Variants in E2F5 observed in about 807,000 individuals in gnomAD.
E2F5 encodes the protein transcription factor E2F5.
Under a neutral mutation model 39.1 loss-of-function variants are expected in E2F5, and 23 were observed. The ratio of observed to expected loss-of-function variants is 0.59; its 90% CI spans 0.42 to 0.83. The LOEUF is 0.83. E2F5 is among the 40% of genes least tolerant of loss of function. E2F5 has a pLI of 0.00. For missense variants in E2F5, 365 were observed against 406.7 expected (o/e 0.90, Z 0.88); for synonymous variants, 145 against 157.8 (o/e 0.92, Z 0.61).
intron 1 of E2F5, among the ~76,000 whole-genome samples, chr8:85,181,044 A>C (rs183594890): frequency 7.8e-4 from 118 of 151,232 alleles, no homozygotes; most frequent in African/African-American, 2.7e-3. Context: ...TGCCTGGCTT[A>C]TTTTTATATT....
At chr8:85,205,205 C>A (rs1812776145) in intron 3 of E2F5, among the ~76,000 whole-genome samples, 1 of 151,638 alleles carries the variant, frequency 6.6e-6, no homozygotes, top group African/African-American at 2.4e-5. Context: ...ACAAAATTAT[C>A]CAGACTAGCT....
At chr8:85,201,220 G>A (rs62527176) in intron 1 of E2F5, among the ~76,000 whole-genome samples, 7 of 152,178 alleles carry the variant, frequency 4.6e-5, no homozygotes, top group Non-Finnish European at 1.0e-4. Flanking sequence ...GCAATTATGC[G>A]AAGCTGGGAG....
chr8:85,190,810 T>C (rs1587487085), intron 1 of E2F5, among the ~76,000 whole-genome samples: 1 of 152,028 alleles, frequency 6.6e-6, no homozygotes, highest in African/African-American at 2.4e-5. Flanking sequence ...AGCCAAGATG[T>C]GGAGATTTTT....
intron 1 of E2F5, among the ~76,000 whole-genome samples, chr8:85,190,152 CTT>C (rs1017227163): frequency 1.3e-5 from 2 of 152,194 alleles, no homozygotes; most frequent in African/African-American, 2.4e-5. Flanking sequence ...CACTGACTGT[CTT>C]TCAGCACTCT....
chr8:85,207,143 G>A (rs543346299), intron 4 of E2F5, among the ~76,000 whole-genome samples: 2 of 152,306 alleles, frequency 1.3e-5, no homozygotes, highest in East Asian at 3.9e-4. Context: ...AGACTTTACA[G>A]GAGTCTTAGT....
intron 1 of E2F5, among the ~76,000 whole-genome samples, chr8:85,192,465 C>T (rs1416881825): frequency 6.6e-6 from 1 of 152,032 alleles, no homozygotes; most frequent in Non-Finnish European, 1.5e-5. Context: ...CTCTGAAACA[C>T]TAGTAGTTCA....
At chr8:85,201,126 A>T (rs749384407) in intron 1 of E2F5, among the ~76,000 whole-genome samples, 19 of 152,206 alleles carry the variant, frequency 1.2e-4, no homozygotes, top group Non-Finnish European at 2.8e-4. Flanking sequence ...TCTGGGGGGA[A>T]GGCAGGTCCA....
At chr8:85,194,826 C>T (rs1812547194) in intron 1 of E2F5, among the ~76,000 whole-genome samples, 1 of 150,890 alleles carries the variant, frequency 6.6e-6, no homozygotes, top group Non-Finnish European at 1.5e-5. Flanking sequence ...AGCCACCATG[C>T]CTGGCCCTGT....
At chr8:85,194,403 A>ATT (rs1458157813) in intron 1 of E2F5, among the ~76,000 whole-genome samples, 1 of 151,778 alleles carries the variant, frequency 6.6e-6, no homozygotes, top group East Asian at 1.9e-4. Flanking sequence ...TGTCTAGTAC[A>ATT]TTTTTCTTGA....
chr8:85,209,319 T>C lies in E2F5; in HGVS notation c.793T>C (p.Ser265Pro). Reference sequence around the variant, plus strand: ...CTTGACTCCAGTGACTCCACAGAAATCCAGCATGGCAACTCAAAATCTGCC... The same window carrying C: ...CTTGACTCCAGTGACTCCACAGAAACCCAGCATGGCAACTCAAAATCTGCC... ...QSLTPVTPQK[S>P]SMATQNLPEQ... The change falls in exon 6 of 8, where the codon TCC (serine) becomes CCC (proline). Residue 265 changes from serine to proline, a missense_variant. Ser to Pro is a moderately conservative substitution (Grantham distance 74). Transcript: ENST00000416274. 1 of 1,613,918 alleles carries C rather than the reference T, an allele frequency of 6.2e-7. No homozygotes were observed. The highest frequency in any genetic ancestry group is 2.2e-5 in the East Asian group (1 of 44,882).
chr8:85,214,498 AAAATT>A lies in E2F5; in HGVS notation c.*637_*641del. On this transcript the variant is annotated 3_prime_UTR_variant, in exon 8 of 8. Coordinates refer to ENST00000416274, the MANE Select transcript of E2F5 (RefSeq NM_001951.4). The stretch of plus-strand genomic sequence containing the variant: ...GTACATTAACAAGATTTTTAAAAAT[AAAATT>A]GTATAAAACATTCAATTTATTGGTC... 1 of 1,142,534 alleles carries A rather than the reference AAAATT, an allele frequency of 8.8e-7. No homozygotes were observed. The highest frequency in any genetic ancestry group is 1.6e-5 in the African/African-American group (1 of 64,374). 70.8% of individuals were successfully genotyped at this position (1,142,534 alleles called of 1,614,324 possible).
At chr8:85,192,176 A>G (rs1266830865) in intron 1 of E2F5, among the ~76,000 whole-genome samples, 1 of 152,152 alleles carries the variant, frequency 6.6e-6, no homozygotes, top group African/African-American at 2.4e-5. Flanking sequence ...ATTATCAATG[A>G]CTGCCATATT....
At chr8:85,212,472 G>T in intron 7 of E2F5, 1 of 354,012 alleles carries the variant, frequency 2.8e-6, no homozygotes, top group South Asian at 3.7e-5. Context: ...CACTCCTGAA[G>T]GATCTGGTCC....
rs775380007 is a variant in E2F5 at position 85,177,574 on chromosome 8, G to T, written c.154G>T (p.Glu52Ter). The T allele has an allele frequency of 6.2e-6, 8 of 1,283,390 alleles. No individual in the cohort carries two copies. 79.5% of individuals were successfully genotyped at this position (1,283,390 alleles called of 1,614,324 possible). A position where few individuals can be genotyped will look rare whatever the true frequency, so the allele number is the denominator to read the frequency against. Residue 52 changes from glutamate to a stop codon, truncating the protein, a stop_gained, in exon 1 of 8, where the codon GAG becomes TAG. Coordinates refer to ENST00000416274, the MANE Select transcript of E2F5 (RefSeq NM_001951.4). LOFTEE classifies it high-confidence loss of function. ...CGCCGGGGGCGGCAGCAGCAGGCAC[G>T]AGAAGAGCCTGGGGCTGCTCACTAC... ...GGAGGGSSRHEKSLGLLTTKF... is the reference protein window; with the variant it reads ...GGAGGGSSRH
chr8:85,203,925 C>G (rs778902464), intron 3 of E2F5, among the ~76,000 whole-genome samples: 8 of 150,964 alleles, frequency 5.3e-5, no homozygotes, highest in Non-Finnish European at 1.2e-4. Flanking sequence ...ACCGTCTTCT[C>G]TCAGGTATCT....
intron 1 of E2F5, among the ~76,000 whole-genome samples, chr8:85,182,408 C>T (rs1444774678): frequency 6.6e-6 from 1 of 152,142 alleles, no homozygotes; most frequent in Admixed American, 6.5e-5. Context: ...AAAGTGAGAG[C>T]TAAGATTTGA....
Position 85,177,536 on chromosome 8 carries a change from C to G in E2F5, c.116C>G (p.Pro39Arg), listed in dbSNP as rs569951666. 137 of 1,195,248 alleles carry G rather than the reference C, an allele frequency of 1.1e-4. No individual in the cohort carries two copies. Among genetic ancestry groups the G allele is most frequent in the Non-Finnish European group, 1.4e-4 (136 of 964,070 alleles). 74.0% of individuals were successfully genotyped at this position (1,195,248 alleles called of 1,614,324 possible). Reference protein sequence around the residue: ...QAQAPQPPPPPQLGGAGGGSS... With the variant: ...QAQAPQPPPPRQLGGAGGGSS... ...CAAGCCCCGCAGCCGCCCCCGCCGC[C>G]GCAGCTCGGGGGCGCCGGGGGCGGC... The change falls in exon 1 of 8, where the codon CCG (proline) becomes CGG (arginine). Residue 39 changes from proline to arginine, a missense_variant. Transcript: ENST00000416274.
rs202138485 is a variant in E2F5 at position 85,213,748 on chromosome 8, C to T, written c.932-5C>T. On this transcript the variant is annotated splice_region_variant and splice_polypyrimidine_tract_variant and intron_variant, in intron 7 of 7. Transcript: ENST00000416274. ...TTTAACACTAAATTTGTTTTTTGTTCGCAGTGTTTCCTCTCTTAAGGCTTT... is the reference window on the plus strand; with the variant it reads ...TTTAACACTAAATTTGTTTTTTGTTTGCAGTGTTTCCTCTCTTAAGGCTTT... The T allele has an allele frequency of 3.1e-4, 484 of 1,565,144 alleles. 8 individuals carry two copies. The South Asian group carries it at 4.8e-3, about 16-fold the overall frequency.
In E2F5 at chr8:85,206,240, T is replaced by C; in HGVS notation, c.550+20T>C. 3 of 1,608,494 alleles carry C rather than the reference T, an allele frequency of 1.9e-6. No individual in the cohort carries two copies. Among genetic ancestry groups the C allele is most frequent in the Non-Finnish European group, 2.5e-6 (3 of 1,176,530 alleles). ...TTAATGGTAAGTACCATTAGACTTT[T>C]CCTTGCATTCTTCCTCTCAACCTAT... On this transcript the variant is annotated intron_variant, in intron 4 of 7. Transcript: ENST00000416274.
Sources: gnomAD v4.1 joint callset for allele counts (sites outside exome capture counted in the v4.1 genomes callset) on GRCh38, gnomAD v4.1.1 for gene constraint, MANE v1.5 for transcripts, NCBI Gene and HGNC (gene_info 2026-07-23, HGNC 2026-07-21) for gene names.